SEMA6D: variants seen among roughly 807,000 people sequenced by gnomAD.
SEMA6D encodes the protein semaphorin 6D, also known as semaphorin-6D.
In SEMA6D, 35 loss-of-function variants were observed where a neutral mutation model predicts 106.6. That is an observed-to-expected ratio of 0.33 (90% CI 0.25 to 0.44). SEMA6D has a LOEUF of 0.44. Among genes scored for constraint, SEMA6D ranks in the 20% least tolerant of loss-of-function variants. The pLI is 1.00. For missense variants in SEMA6D, 1,185 were observed against 1,345.9 expected, an observed-to-expected ratio of 0.88 and a Z score of 1.87; for synonymous variants, 499 against 487.7, an observed-to-expected ratio of 1.02 and a Z score of -0.31.
At chr15:47,548,450 C>G (rs2045588078) in intron 3 of SEMA6D, among the ~76,000 whole-genome samples, 1 of 152,104 alleles carries the variant, frequency 6.6e-6, no homozygotes, top group Non-Finnish European at 1.5e-5. Context: ...GGGAAGTATA[C>G]AAAGTGTAGG....
chr15:47,584,952 G>T (rs768164254), intron 3 of SEMA6D, among the ~76,000 whole-genome samples: 2 of 152,178 alleles, frequency 1.3e-5, no homozygotes, highest in South Asian at 2.1e-4. Context: ...GAAAAGGTGG[G>T]GATATTGAGG....
At chr15:47,730,519 G>T in intron 1 of SEMA6D, 2 of 1,291,780 alleles carry the variant, frequency 1.5e-6, no homozygotes, top group South Asian at 1.2e-5. Context: ...TGGTGACGGT[G>T]TCAACTCCTG....
Position 47,584,720 on chromosome 15 carries a change from G to C in SEMA6D, c.-86-16145G>C, listed in dbSNP as rs80078511. Among the ~76,000 whole-genome samples, 1,461 of 152,186 alleles carry C rather than the reference G, an allele frequency of 9.6e-3. 19 individuals carry two copies. The highest frequency in any genetic ancestry group is 0.034 in the African/African-American group (1,415 of 41,530). On this transcript the variant is annotated intron_variant, in intron 3 of 19. Coordinates refer to the SEMA6D transcript ENST00000558014. ...GATTGGATGAGGCTTTAAACCTCTG[G>C]GGCCTCTCTAGACTTTCCATTTCCT...
At chr15:47,489,583 G>A (rs142414650) in intron 3 of SEMA6D, among the ~76,000 whole-genome samples, 1 of 152,042 alleles carries the variant, frequency 6.6e-6, no homozygotes, top group Non-Finnish European at 1.5e-5. Flanking sequence ...TGACACCTTG[G>A]GGGTTGCATT....
intron 8 of SEMA6D, 103 bp downstream of exon 8, chr15:47,762,422 G>A (rs890444755): frequency 1.5e-6 from 2 of 1,326,610 alleles, no homozygotes; most frequent in African/African-American, 1.5e-5. Context: ...ACTTTATATT[G>A]TTTATTTAGA....
chr15:47,393,202 C>T (rs1285550512), intron 1 of SEMA6D: 1 of 152,180 alleles, frequency 6.6e-6, no homozygotes, highest in Non-Finnish European at 1.5e-5. Context: ...CAAGCATATG[C>T]ATTGATCATC....
At chr15:47,360,116 C>T (rs1286065263) in intron 1 of SEMA6D, 1 of 151,976 alleles carries the variant, frequency 6.6e-6, no homozygotes, top group Non-Finnish European at 1.5e-5. Flanking sequence ...TAATGTGACA[C>T]AGTTAGCCAT....
chr15:47,342,640 GT>G (rs775167032), intron 1 of SEMA6D, among the ~76,000 whole-genome samples: 1 of 152,136 alleles, frequency 6.6e-6, no homozygotes, highest in South Asian at 2.1e-4. Context: ...AGTTATCTTA[GT>G]GCAGTGATTA....
chr15:47,624,422 A>AT (rs1371938302), intron 4 of SEMA6D, among the ~76,000 whole-genome samples: 17 of 152,224 alleles, frequency 1.1e-4, no homozygotes, highest in African/African-American at 3.6e-4. Flanking sequence ...GGACTGTGTC[A>AT]TTTTTTATTA....
At chr15:47,464,538 G>A (rs1053610820) in intron 2 of SEMA6D, among the ~76,000 whole-genome samples, 6 of 152,056 alleles carry the variant, frequency 3.9e-5, no homozygotes, top group African/African-American at 1.4e-4. Flanking sequence ...CCACATCTGG[G>A]CCTGGCTTTT....
rs142305464 is a variant in SEMA6D at position 47,541,634 on chromosome 15, C to T, written c.-86-59231C>T. On this transcript the variant is annotated intron_variant, in intron 3 of 19. Transcript: ENST00000558014. ...TCTTCAGAGATGTCCATGGTCTTTCCCCTTTGCAAAATACCATTCAAAAAC... is the reference window on the plus strand; with the variant it reads ...TCTTCAGAGATGTCCATGGTCTTTCTCCTTTGCAAAATACCATTCAAAAAC... Among the ~76,000 whole-genome samples, 20 of 152,242 alleles carry T rather than the reference C, an allele frequency of 1.3e-4. 1 individual carries two copies. The highest frequency in any genetic ancestry group is 4.8e-4 in the African/African-American group (20 of 41,544).
Position 47,764,275 on chromosome 15 carries a change from C to A in SEMA6D, c.1067C>A (p.Ala356Glu). 6.2e-7 allele frequency: 1 copy of A among 1,613,600 alleles called. No homozygotes were observed. Among genetic ancestry groups the A allele is most frequent in the Non-Finnish European group, 8.5e-7 (1 of 1,179,696 alleles). The change falls in exon 11 of 19, where the codon GCA (alanine) becomes GAA (glutamate). Residue 356 changes from alanine (A) to glutamate (E), a missense_variant. Ala to Glu is a moderately radical substitution (Grantham distance 107, BLOSUM62 -1). Around this residue, in one of 3 missense-constraint regions of SEMA6D, gnomAD observed 291 missense variants for 423.8 expected, o/e 0.69. Coordinates refer to ENST00000536845, the MANE Select transcript of SEMA6D (RefSeq NM_001358351.3). The part of the protein sequence containing the change: ...EQKTPDSVWT[A>E]VPEDKVPKPR... ...AAAACTCCAGATTCTGTTTGGACAGCAGTTCCCGAAGACAAAGTGCCAAAG... is the reference window on the plus strand; with the variant it reads ...AAAACTCCAGATTCTGTTTGGACAGAAGTTCCCGAAGACAAAGTGCCAAAG...
intron 1 of SEMA6D, among the ~76,000 whole-genome samples, chr15:47,200,691 A>G (rs1348884564): frequency 2.0e-5 from 3 of 152,204 alleles, no homozygotes; most frequent in Non-Finnish European, 4.4e-5. Context: ...CCACTATTTT[A>G]CTAAGGCTGA....
intron 13 of SEMA6D, 36 bp from the exon 14 acceptor site, chr15:47,765,832 CT>C (rs1348095863): frequency 6.8e-7 from 1 of 1,470,872 alleles, no homozygotes; most frequent in East Asian, 2.3e-5. Context: ...ACTTGACTGA[CT>C]AAACATATGG....
intron 4 of SEMA6D, among the ~76,000 whole-genome samples, chr15:47,618,927 A>C (rs1387292665): frequency 6.6e-6 from 1 of 152,208 alleles, no homozygotes; most frequent in East Asian, 1.9e-4. Flanking sequence ...GATATTATAA[A>C]AGGAGCTGCT....
intron 1 of SEMA6D, among the ~76,000 whole-genome samples, chr15:47,251,937 A>G (rs531866268): frequency 2.0e-4 from 18 of 88,094 alleles, no homozygotes; most frequent in Non-Finnish European, 3.5e-4. Context: ...TTTTTTTGAG[A>G]CGGAGTCTCG....
At chr15:47,359,191 T>G (rs903425164) in intron 1 of SEMA6D, among the ~76,000 whole-genome samples, 13 of 152,170 alleles carry the variant, frequency 8.5e-5, no homozygotes, top group African/African-American at 3.1e-4. Flanking sequence ...GTGATACATA[T>G]CACATATTTG....
chr15:47,275,276 T>G (rs1398427371), intron 1 of SEMA6D: 1 of 152,084 alleles, frequency 6.6e-6, no homozygotes, highest in African/African-American at 2.4e-5. Flanking sequence ...AATACATATG[T>G]GCTGAGAAAG....
At chr15:47,255,029 T>G (rs1302094616) in intron 1 of SEMA6D, among the ~76,000 whole-genome samples, 1 of 152,148 alleles carries the variant, frequency 6.6e-6, no homozygotes. Flanking sequence ...TTAGTTCTTC[T>G]TTAAATGTTT....
Sources: allele counts gnomAD v4.1 joint callset (sites outside exome capture counted in the v4.1 genomes callset), GRCh38; gene constraint gnomAD v4.1.1; regional missense constraint gnomAD v4.1.1; transcripts MANE v1.5; gene names NCBI Gene and HGNC (gene_info 2026-07-23, HGNC 2026-07-21).